AHR: variants seen among roughly 807,000 people sequenced by gnomAD.
AHR encodes AH-receptor.
A neutral mutation model predicts 86.8 loss-of-function variants in AHR; 40 were observed. That is an observed-to-expected ratio of 0.46 (90% CI 0.36 to 0.60). AHR has a LOEUF of 0.60. AHR is among the 20% of genes least tolerant of loss of function. The pLI is 0.00. For missense variants in AHR, 1,001 were observed against 1,011.6 expected, an observed-to-expected ratio of 0.99 and a Z score of 0.14; for synonymous variants, 398 against 354.9, an observed-to-expected ratio of 1.12 and a Z score of -1.37.
chr7:17,323,623 C>T (rs1020732723), intron 3 of AHR, among the ~76,000 whole-genome samples: 1 of 152,132 alleles, frequency 6.6e-6, no homozygotes, highest in Non-Finnish European at 1.5e-5. Flanking sequence ...AAAAACTTCA[C>T]CATTGTTACA....
chr7:17,328,441 A>G (rs1293943496), intron 4 of AHR, among the ~76,000 whole-genome samples: 1 of 151,976 alleles, frequency 6.6e-6, no homozygotes, highest in African/African-American at 2.4e-5. Context: ...GGAATTATAA[A>G]TATTTGATAT....
chr7:17,333,984 C>T lies in AHR; in HGVS notation c.778C>T (p.Pro260Ser). Reference protein sequence around the residue: ...KKKGKDGSILPPQLALFAIAT... With the variant: ...KKKGKDGSILSPQLALFAIAT... ...GAAAGGGAAAGATGGATCAATACTT[C>T]CACCTCAGTTGGCTTTGTTTGCGAT... Residue 260 changes from proline (P) to serine (S), a missense_variant, in exon 7 of 11, where the codon CCA becomes TCA. Coordinates refer to ENST00000242057, the MANE Select transcript of AHR (RefSeq NM_001621.5). The T allele has an allele frequency of 6.2e-7, 1 of 1,613,446 alleles. No homozygotes were observed. The highest frequency in any genetic ancestry group is 8.5e-7 in the Non-Finnish European group (1 of 1,179,518).
In AHR at chr7:17,339,181, T is replaced by C. The variant is rs372142705; in HGVS notation, c.1356T>C (p.Asn452=). The C allele has an allele frequency of 5.0e-6, 8 of 1,614,182 alleles. No individual in the cohort carries two copies. In the African/African-American group the frequency reaches 8.0e-5, roughly 16 times the overall value. Residue 452 remains asparagine, a synonymous_variant, in exon 10 of 11, where the codon AAT becomes AAC. Coordinates refer to ENST00000242057, the MANE Select transcript of AHR (RefSeq NM_001621.5). The stretch of plus-strand genomic sequence containing the variant: ...CCACTCTAAGCAAGGACTCTCTCAA[T>C]CCTAGTTCCCTCCTGGCTGCCATGA... ...TTSTLSKDSL[N]PSSLLAAMMQ...
chr7:17,324,717 G>A (rs911716988), intron 3 of AHR, among the ~76,000 whole-genome samples: 2 of 151,548 alleles, frequency 1.3e-5, no homozygotes, highest in South Asian at 2.1e-4. Context: ...CCCGAGAATC[G>A]CTTGAAGCCA....
intron 2 of AHR, among the ~76,000 whole-genome samples, chr7:17,321,060 G>GT (rs1782167651): frequency 6.6e-6 from 1 of 152,082 alleles, no homozygotes; most frequent in African/African-American, 2.4e-5. Context: ...TAAATCTCTA[G>GT]TTTTTTCAGA....
chr7:17,306,146 CA>C (rs138034741), intron 1 of AHR, among the ~76,000 whole-genome samples: 7,335 of 152,234 alleles, frequency 0.048, 270 homozygotes, highest in South Asian at 0.093. Context: ...ATTTATATTT[CA>C]AACAGGCTTT....
chr7:17,333,978 A>T lies in AHR; in HGVS notation c.772A>T (p.Ile258Leu). 1.9e-6 allele frequency: 3 copies of T among 1,613,554 alleles called. No individual in the cohort carries two copies. Among genetic ancestry groups the T allele is most frequent in the Non-Finnish European group, 2.5e-6 (3 of 1,179,560 alleles). The change falls in exon 7 of 11, where the codon ATA becomes TTA. Residue 258 changes from isoleucine to leucine, a missense_variant. By Grantham distance (5) the Ile-to-Leu change is conservative (BLOSUM62 2). This residue lies in a region of AHR where 394 missense variants were observed against 468.5 expected (regional missense o/e 0.84). Transcript: ENST00000242057. ...GAAAAAGAAAGGGAAAGATGGATCAATACTTCCACCTCAGTTGGCTTTGTT... is the reference window on the plus strand; with the variant it reads ...GAAAAAGAAAGGGAAAGATGGATCATTACTTCCACCTCAGTTGGCTTTGTT... ...GQKKKGKDGS[I>L]LPPQLALFAI... is the part of the protein sequence containing the mutation.
chr7:17,333,417 T>G (rs1043443865), intron 6 of AHR, among the ~76,000 whole-genome samples: 84 of 152,040 alleles, frequency 5.5e-4, no homozygotes, highest in African/African-American at 1.7e-3. Flanking sequence ...GGGCTCTGCA[T>G]TCTTTATATG....
intron 9 of AHR, among the ~76,000 whole-genome samples, chr7:17,338,293 G>T (rs1782377685): frequency 6.6e-6 from 1 of 151,530 alleles, no homozygotes; most frequent in Non-Finnish European, 1.5e-5. Flanking sequence ...TAGCTGCTGG[G>T]TTTTATTATA....
At chr7:17,318,333 T>C (rs967406472) in intron 2 of AHR, among the ~76,000 whole-genome samples, 3 of 152,062 alleles carry the variant, frequency 2.0e-5, no homozygotes, top group South Asian at 4.1e-4. Flanking sequence ...TTAGGAAACA[T>C]GGATATGGTT....
Position 17,305,833 on chromosome 7 carries a change from C to G in AHR, c.66-4103C>G, listed in dbSNP as rs74562098. On this transcript the variant is annotated intron_variant, in intron 1 of 10. Coordinates refer to ENST00000242057, the MANE Select transcript of AHR (RefSeq NM_001621.5). ...CAAACACTGGCTACAAATGATGAAC[C>G]TCATAGACTTTTTTGATGGAGATGT... Among the ~76,000 whole-genome samples the G allele has an allele frequency of 5.2e-3, 796 of 152,136 alleles. 8 individuals carry two copies. Among genetic ancestry groups the G allele is most frequent in the African/African-American group, 0.018 (758 of 41,510 alleles).
chr7:17,312,153 A>C (rs1782071773), intron 2 of AHR, among the ~76,000 whole-genome samples: 1 of 152,178 alleles, frequency 6.6e-6, no homozygotes, highest in African/African-American at 2.4e-5. Context: ...CCTGATCCCT[A>C]GCATTTACTC....
Position 17,339,255 on chromosome 7 carries a change from G to C in AHR, c.1430G>C (p.Ser477Thr), listed in dbSNP as rs1328501373. The part of the protein sequence containing the change: ...IYLYPASSTS[S>T]TAPFENNFFN... ...CTCTATCCTGCTTCAAGTACTTCAA[G>C]TACTGCACCTTTTGAAAACAACTTT... The change falls in exon 10 of 11, where the codon AGT becomes ACT. Residue 477 changes from serine to threonine, a missense_variant. Coordinates refer to ENST00000242057, the MANE Select transcript of AHR (RefSeq NM_001621.5). 6.2e-7 allele frequency: 1 copy of C among 1,614,174 alleles called. No individual in the cohort carries two copies. The highest frequency in any genetic ancestry group is 8.5e-7 in the Non-Finnish European group (1 of 1,180,028).
chr7:17,339,182 C>T lies in AHR; in HGVS notation c.1357C>T (p.Pro453Ser). ...TSTLSKDSLN[P>S]SSLLAAMMQQ... ...CACTCTAAGCAAGGACTCTCTCAATCCTAGTTCCCTCCTGGCTGCCATGAT... is the reference window on the plus strand; with the variant it reads ...CACTCTAAGCAAGGACTCTCTCAATTCTAGTTCCCTCCTGGCTGCCATGAT... Residue 453 changes from proline to serine, a missense_variant, in exon 10 of 11, where the codon CCT (proline) becomes TCT (serine). Around this residue, in one of 2 missense-constraint regions of AHR, gnomAD observed 607 missense variants for 543.1 expected, o/e 1.12. Coordinates refer to ENST00000242057, the MANE Select transcript of AHR (RefSeq NM_001621.5). 6.2e-7 allele frequency: 1 copy of T among 1,614,192 alleles called. No individual in the cohort carries two copies. The highest frequency in any genetic ancestry group is 8.5e-7 in the Non-Finnish European group (1 of 1,180,032).
chr7:17,311,735 C>G (rs1474032770), intron 2 of AHR, among the ~76,000 whole-genome samples: 2 of 152,132 alleles, frequency 1.3e-5, no homozygotes, highest in Non-Finnish European at 2.9e-5. Context: ...ATACCAAACC[C>G]TTCATCTTGG....
At chr7:17,333,865 AT>A in intron 6 of AHR, 46 bp from the exon 7 acceptor site, 2 of 1,510,174 alleles carry the variant, frequency 1.3e-6, no homozygotes, top group Non-Finnish European at 1.8e-6. Context: ...GCACTATTTT[AT>A]ATTGTTAATT....
rs188697321 is a variant in AHR, at chr7:17,337,721, C to T, written c.1161-1265C>T. On this transcript the variant is annotated intron_variant, in intron 9 of 10. Coordinates refer to ENST00000242057, the MANE Select transcript of AHR (RefSeq NM_001621.5). ...CAATCTCCTGACCTCGTGATCCGCC[C>T]GCCTCAGCCTCCCAAAGTGCTGGGA... Among the ~76,000 whole-genome samples the T allele has an allele frequency of 3.5e-3, 525 of 150,904 alleles. 1 individual carries two copies. Among genetic ancestry groups the T allele is most frequent in the Admixed American group, 4.7e-3 (71 of 15,190 alleles).
At chr7:17,327,004 A>G (rs1457222878) in intron 3 of AHR, among the ~76,000 whole-genome samples, 1 of 152,136 alleles carries the variant, frequency 6.6e-6, no homozygotes, top group Non-Finnish European at 1.5e-5. Flanking sequence ...TTGGACTTGA[A>G]TTATCCAGTA....
Position 17,339,964 on chromosome 7 carries a change from A to C in AHR, c.2139A>C (p.Lys713Asn). ...CNQPVLPQHS[K>N]CTELDYPMGS... is the part of the protein sequence containing the mutation. ...AGCCTGTATTACCACAACATTCCAA[A>C]TGTACAGAGCTGGACTACCCTATGG... The change falls in exon 10 of 11, where the codon AAA becomes AAC. Residue 713 changes from lysine (K) to asparagine (N), a missense_variant. Physicochemically the swap from Lys to Asn is moderately conservative, Grantham distance 94. This residue lies in a region of AHR where 607 missense variants were observed against 543.1 expected (regional missense o/e 1.12). Transcript: ENST00000242057. The C allele has an allele frequency of 6.2e-7, 1 of 1,614,146 alleles. No individual in the cohort carries two copies. Among genetic ancestry groups the C allele is most frequent in the Non-Finnish European group, 8.5e-7 (1 of 1,180,010 alleles).
Sources: allele counts gnomAD v4.1 joint callset (sites outside exome capture counted in the v4.1 genomes callset), GRCh38; gene constraint gnomAD v4.1.1; regional missense constraint gnomAD v4.1.1; transcripts MANE v1.5; gene names NCBI Gene and HGNC (gene_info 2026-07-23, HGNC 2026-07-21).